Variants in PCYT1A observed in about 807,000 individuals in gnomAD.
PCYT1A encodes the protein choline-phosphate cytidylyltransferase A.
In PCYT1A, 25 loss-of-function variants were observed where a neutral mutation model predicts 43.7. That is an observed-to-expected ratio of 0.57 (90% CI 0.42 to 0.80). The LOEUF (loss-of-function observed/expected upper bound fraction) is 0.80, where lower values mean the gene tolerates loss of function less well. Among genes scored for constraint, PCYT1A ranks in the 30% least tolerant of loss-of-function variants. PCYT1A has a pLI of 0.00. For missense variants in PCYT1A, 421 were observed against 474.2 expected, an observed-to-expected ratio of 0.89 and a Z score of 1.04; for synonymous variants, 172 against 170.7, an observed-to-expected ratio of 1.01 and a Z score of -0.06.
chr3:196,285,535 T>A (rs745966914), intron 1 of PCYT1A, among the ~76,000 whole-genome samples: 3 of 152,178 alleles, frequency 2.0e-5, no homozygotes, highest in East Asian at 1.9e-4. Context: ...TTTAATTTCA[T>A]CTACATCACT....
intron 3 of PCYT1A, among the ~76,000 whole-genome samples, chr3:196,257,081 A>C (rs915953343): frequency 6.6e-6 from 1 of 152,198 alleles, no homozygotes; most frequent in Non-Finnish European, 1.5e-5. Flanking sequence ...AGAATTGGGG[A>C]ATTTACAGAG....
chr3:196,238,916 G>A, intron 8 of PCYT1A, 22 bp from the exon 9 acceptor site: 1 of 1,376,162 alleles, frequency 7.3e-7, no homozygotes, highest in Non-Finnish European at 9.5e-7. Flanking sequence ...GAAAGGAAGA[G>A]TCAGAAAAAC....
chr3:196,279,439 C>T (rs1169473087), intron 1 of PCYT1A, among the ~76,000 whole-genome samples: 1 of 152,104 alleles, frequency 6.6e-6, no homozygotes, highest in African/African-American at 2.4e-5. Flanking sequence ...AAAAACCCAT[C>T]CCCCAACACC....
chr3:196,252,385 T>C lies in PCYT1A; in HGVS notation c.218-4062A>G, dbSNP rs939273220. The stretch of plus-strand genomic sequence containing the variant: ...GCCTCAGCCTCCCAAGTCACTGGGA[T>C]TACAGGCGAAAGCCACCAAGCCGGG... On this transcript the variant is annotated intron_variant, in intron 3 of 8. Transcript: ENST00000431016. This position sits in a 1 kb window ranked among gnomAD's most constrained non-coding sequence, Gnocchi z 4.0. 5.3e-5 allele frequency among the ~76,000 whole-genome samples: 8 copies of C among 152,122 alleles called. No individual in the cohort carries two copies. The highest frequency in any genetic ancestry group is 1.2e-4 in the Non-Finnish European group (8 of 68,022).
chr3:196,266,280 G>A (rs1056336692), intron 2 of PCYT1A, among the ~76,000 whole-genome samples: 1 of 150,546 alleles, frequency 6.6e-6, no homozygotes, highest in African/African-American at 2.4e-5. Flanking sequence ...AGACCATCCT[G>A]GCTAACACGG....
chr3:196,286,788 C>T (rs964803338), intron 1 of PCYT1A, among the ~76,000 whole-genome samples: 3 of 152,222 alleles, frequency 2.0e-5, no homozygotes, highest in Non-Finnish European at 4.4e-5. Context: ...GTGGCGCATG[C>T]CTGTAATCCC....
chr3:196,269,248 T>G (rs1169744519), intron 2 of PCYT1A, among the ~76,000 whole-genome samples: 1 of 152,212 alleles, frequency 6.6e-6, no homozygotes, highest in African/African-American at 2.4e-5. Flanking sequence ...CTGCAGGCAC[T>G]TGTCTATTTG....
chr3:196,270,648 C>G, intron 1 of PCYT1A, 107 bp from the exon 2 acceptor site: 1 of 789,762 alleles, frequency 1.3e-6, no homozygotes, highest in Non-Finnish European at 2.3e-6. Flanking sequence ...AATACCAATT[C>G]TACAGCTGCA....
rs1165565042 is a variant in PCYT1A, at chr3:196,237,147, TA to T, written c.*1540del. Reference sequence around the variant, plus strand: ...ATGTGGTTTTCTTAGCTGAAAACACTAAAATTCCACCCCCACAAGGGGTATT... The same window carrying T: ...ATGTGGTTTTCTTAGCTGAAAACACTAAATTCCACCCCCACAAGGGGTATT... On this transcript the variant is annotated 3_prime_UTR_variant, in exon 9 of 9. Transcript: ENST00000431016. 2.4e-4 allele frequency: 37 copies of T among 152,262 alleles called. No homozygotes were observed. The highest frequency in any genetic ancestry group is 8.2e-4 in the African/African-American group (34 of 41,440). 9.4% of individuals were successfully genotyped at this position (152,262 alleles called of 1,614,324 possible). A position where few individuals can be genotyped will look rare whatever the true frequency, so the allele number is the denominator to read the frequency against.
intron 3 of PCYT1A, among the ~76,000 whole-genome samples, chr3:196,251,034 G>C (rs1172121584): frequency 6.6e-6 from 1 of 151,362 alleles, no homozygotes; most frequent in African/African-American, 2.4e-5. Context: ...CTGAGGACCA[G>C]ATACACCATG....
chr3:196,279,678 T>G (rs946778880), intron 1 of PCYT1A, among the ~76,000 whole-genome samples: 1 of 152,196 alleles, frequency 6.6e-6, no homozygotes, highest in Admixed American at 6.6e-5. Flanking sequence ...GGGGTGGCAC[T>G]GAGGAGACAC....
At chr3:196,244,378 C>T (rs1225259031) in intron 5 of PCYT1A, among the ~76,000 whole-genome samples, 9 of 150,092 alleles carry the variant, frequency 6.0e-5, no homozygotes, top group South Asian at 4.2e-4. Flanking sequence ...TCTGCCCGGC[C>T]GCCCATCGTC....
intron 2 of PCYT1A, among the ~76,000 whole-genome samples, chr3:196,264,428 C>G (rs1725207361): frequency 6.6e-6 from 1 of 152,148 alleles, no homozygotes; most frequent in Non-Finnish European, 1.5e-5. Flanking sequence ...TTATCTCGCA[C>G]TCTCTGTACC....
At chr3:196,281,137 G>A (rs1280758592) in intron 1 of PCYT1A, among the ~76,000 whole-genome samples, 1 of 152,212 alleles carries the variant, frequency 6.6e-6, no homozygotes, top group African/African-American at 2.4e-5. Context: ...AAAGCCGAGT[G>A]CGCAAGCAGA....
At chr3:196,241,133 A>T (rs1431449480) in intron 7 of PCYT1A, among the ~76,000 whole-genome samples, 2 of 40,756 alleles carry the variant, frequency 4.9e-5, no homozygotes, top group East Asian at 6.8e-3. Context: ...ATCTCTGCTA[A>T]AAAAAAAAAA....
intron 3 of PCYT1A, among the ~76,000 whole-genome samples, chr3:196,253,075 C>T (rs191556741): frequency 1.6e-3 from 237 of 152,194 alleles, no homozygotes; most frequent in African/African-American, 5.2e-3. Context: ...CAGTGGCTCA[C>T]GCCTGTAATC....
At chr3:196,275,670 T>G (rs989589246) in intron 1 of PCYT1A, among the ~76,000 whole-genome samples, 3 of 151,506 alleles carry the variant, frequency 2.0e-5, no homozygotes, top group Non-Finnish European at 4.4e-5. Context: ...GAGACAGAGG[T>G]TGCAGTGAGC....
intron 2 of PCYT1A, among the ~76,000 whole-genome samples, chr3:196,259,911 CTTTTTTTTTTTTTTTT>C (rs779918737): frequency 1.0e-4 from 5 of 48,952 alleles, no homozygotes; most frequent in African/African-American, 3.2e-4. Context: ...TGGAAACATT[CTTTTTTTTTTTTTTTT>C]TTTTTTTTTT....
In PCYT1A at chr3:196,282,923, T is replaced by G. The variant is rs1389530916; in HGVS notation, c.-11+4692A>C. Among the ~76,000 whole-genome samples, 1 of 152,208 alleles carries G rather than the reference T, an allele frequency of 6.6e-6. No homozygotes were observed. The highest frequency in any genetic ancestry group is 1.5e-5 in the Non-Finnish European group (1 of 68,034). On this transcript the variant is annotated intron_variant, in intron 1 of 8. Transcript: ENST00000431016. The surrounding 1 kb of genome is among the most constrained non-coding windows in gnomAD (Gnocchi z 4.3). ...AAACTGGTTTGCAAGTAGTTGTGAA[T>G]GTGATATAACAGCCTAGCAGATTCA...
Sources: gnomAD v4.1 joint callset for allele counts (sites outside exome capture counted in the v4.1 genomes callset) on GRCh38, gnomAD v4.1.1 for gene constraint, Gnocchi (gnomAD v3.1) non-coding constraint, MANE v1.5 for transcripts, NCBI Gene and HGNC (gene_info 2026-07-23, HGNC 2026-07-21) for gene names.